Variants in UNC5C observed in about 807,000 individuals in gnomAD.
UNC5C encodes the protein netrin receptor UNC5C.
UNC5C carries 47 observed loss-of-function variants against 99.8 expected under a neutral mutation model. The observed-to-expected ratio is 0.47, with a 90% CI of 0.37 to 0.60. The LOEUF (loss-of-function observed/expected upper bound fraction) is 0.60. Ranked by LOEUF, UNC5C falls within the 20% of genes least tolerant of loss-of-function variation. UNC5C has a pLI of 0.00. For synonymous variants in UNC5C, 487 were observed against 452.2 expected (o/e 1.08, Z -0.98); for missense variants, 1,062 against 1,165.9 (o/e 0.91, Z 1.30).
chr4:95,301,780 AC>A lies in UNC5C; in HGVS notation c.347-32del, dbSNP rs756965836. 10 of 1,605,754 alleles carry A rather than the reference AC, an allele frequency of 6.2e-6. No individual in the cohort carries two copies. In the African/African-American group the frequency reaches 8.0e-5, roughly 13 times the overall value. ...AAGAGAAAAAGAAAGATTTAAGTCA[AC>A]ACAAGATTCATACTAAAGAAATATA... On this transcript the variant is annotated intron_variant, in intron 2 of 15. Coordinates refer to ENST00000453304, the MANE Select transcript of UNC5C (RefSeq NM_003728.4).
intron 1 of UNC5C, among the ~76,000 whole-genome samples, chr4:95,525,164 C>CT (rs1350281982): frequency 1.3e-5 from 2 of 152,184 alleles, no homozygotes; most frequent in Non-Finnish European, 2.9e-5. Flanking sequence ...AGCAGCAATT[C>CT]TGAGAATGCA....
At chr4:95,393,847 A>G (rs1455083811) in intron 1 of UNC5C, among the ~76,000 whole-genome samples, 1 of 118,212 alleles carries the variant, frequency 8.5e-6, no homozygotes, top group Non-Finnish European at 1.8e-5. Context: ...TATACAATCT[A>G]CTGTTTTTTT....
intron 1 of UNC5C, among the ~76,000 whole-genome samples, chr4:95,342,952 A>G (rs1743634852): frequency 6.6e-6 from 1 of 151,942 alleles, no homozygotes; most frequent in African/African-American, 2.4e-5. Context: ...GAGAGGGAAG[A>G]GCGGGAGAAA....
intron 1 of UNC5C, among the ~76,000 whole-genome samples, chr4:95,502,858 TTC>T (rs1220613655): frequency 6.6e-6 from 1 of 152,152 alleles, no homozygotes; most frequent in Non-Finnish European, 1.5e-5. Context: ...TCTTTAAAAT[TTC>T]TCTCCCGCAA....
chr4:95,246,044 C>T (rs1268025917), intron 5 of UNC5C, among the ~76,000 whole-genome samples: 1 of 152,062 alleles, frequency 6.6e-6, no homozygotes, highest in African/African-American at 2.4e-5. Context: ...CAGCATTTGC[C>T]CAATATTTTG....
chr4:95,181,667 T>G (rs1736618230), intron 14 of UNC5C, among the ~76,000 whole-genome samples: 1 of 152,086 alleles, frequency 6.6e-6, no homozygotes, highest in African/African-American at 2.4e-5. Context: ...CCGAGATCAT[T>G]CCTTATGAAT....
chr4:95,492,006 T>G (rs527982326), intron 1 of UNC5C, among the ~76,000 whole-genome samples: 2 of 151,638 alleles, frequency 1.3e-5, no homozygotes, highest in Non-Finnish European at 3.0e-5. Flanking sequence ...GTTATCTAAT[T>G]ACTATTTATT....
chr4:95,536,453 T>C (rs1004221674), intron 1 of UNC5C, among the ~76,000 whole-genome samples: 1 of 152,178 alleles, frequency 6.6e-6, no homozygotes, highest in African/African-American at 2.4e-5. Flanking sequence ...AAAGTAACAG[T>C]GCATTAACAG....
Position 95,424,518 on chromosome 4 carries a change from C to CTTT in UNC5C, c.125-88890_125-88888dup, listed in dbSNP as rs536039867. ...GGCTTCAGAATTTTTTTTTTCTTTT[C>CTTT]TTTTTTTTTTTTTTTTTTTTTGAGA... On this transcript the variant is annotated intron_variant, in intron 1 of 15. Transcript: ENST00000453304. Among the ~76,000 whole-genome samples, 204 of 67,962 alleles carry CTTT rather than the reference C, an allele frequency of 3.0e-3. 5 individuals carry two copies. The highest frequency in any genetic ancestry group is 4.1e-3 in the Non-Finnish European group (152 of 37,218). The allele number at this position is 67,962 out of a possible 152,430, so 44.6% of individuals were successfully genotyped here.
At chr4:95,421,910 C>T (rs963426627) in intron 1 of UNC5C, among the ~76,000 whole-genome samples, 7 of 152,158 alleles carry the variant, frequency 4.6e-5, no homozygotes, top group South Asian at 2.1e-4. Flanking sequence ...TTCTCTAATA[C>T]TTTACTACTA....
intron 12 of UNC5C, among the ~76,000 whole-genome samples, chr4:95,186,062 A>AATT (rs1214608353): frequency 1.3e-5 from 2 of 152,208 alleles, no homozygotes; most frequent in East Asian, 3.9e-4. Flanking sequence ...CTGCAGCTGT[A>AATT]ATTATCCAAA....
chr4:95,301,014 G>A (rs1049934300), intron 3 of UNC5C, among the ~76,000 whole-genome samples: 1 of 152,030 alleles, frequency 6.6e-6, no homozygotes, highest in African/African-American at 2.4e-5. Flanking sequence ...CCCATGATGT[G>A]ATTATTAGGC....
chr4:95,393,340 G>T (rs551007869), intron 1 of UNC5C, among the ~76,000 whole-genome samples: 3 of 152,148 alleles, frequency 2.0e-5, no homozygotes, highest in Non-Finnish European at 4.4e-5. Context: ...TGGAACTTTC[G>T]TGACCCAGTC....
chr4:95,427,840 A>G (rs958892079), intron 1 of UNC5C, among the ~76,000 whole-genome samples: 6 of 151,904 alleles, frequency 3.9e-5, no homozygotes, highest in Non-Finnish European at 8.8e-5. Flanking sequence ...TGCAGTTTTT[A>G]TGGTTTCTTT....
At chr4:95,257,330 G>A (rs1450190347) in intron 4 of UNC5C, among the ~76,000 whole-genome samples, 3 of 152,114 alleles carry the variant, frequency 2.0e-5, no homozygotes, top group African/African-American at 7.2e-5. Flanking sequence ...CTTTAGCCTG[G>A]GAGGTCAAGG....
At chr4:95,370,165 T>C (rs78370328) in intron 1 of UNC5C, among the ~76,000 whole-genome samples, 9,886 of 152,192 alleles carry the variant, frequency 0.065, 390 homozygotes, top group African/African-American at 0.11. Flanking sequence ...AATGTAAATA[T>C]GATTAAATTT....
intron 2 of UNC5C, among the ~76,000 whole-genome samples, chr4:95,333,588 C>G (rs1272194706): frequency 1.4e-5 from 2 of 144,712 alleles, no homozygotes; most frequent in African/African-American, 2.6e-5. Flanking sequence ...GGGGGAGGGG[C>G]GAGGGATAGC....
intron 1 of UNC5C, among the ~76,000 whole-genome samples, chr4:95,516,445 T>C (rs931373758): frequency 1.3e-5 from 2 of 152,178 alleles, no homozygotes; most frequent in African/African-American, 4.8e-5. Flanking sequence ...AAAGCACACA[T>C]GATCTCCAAT....
At chr4:95,280,290 A>G (rs1175094272) in intron 3 of UNC5C, among the ~76,000 whole-genome samples, 2 of 152,208 alleles carry the variant, frequency 1.3e-5, no homozygotes, top group South Asian at 2.1e-4. Flanking sequence ...AAAATCATAG[A>G]TCTATGAGGG....
Sources: allele counts gnomAD v4.1 joint callset (sites outside exome capture counted in the v4.1 genomes callset), GRCh38; gene constraint gnomAD v4.1.1; transcripts MANE v1.5; gene names NCBI Gene and HGNC (gene_info 2026-07-23, HGNC 2026-07-21).